ST3GAL3: variants seen among roughly 807,000 people sequenced by gnomAD.
ST3GAL3 encodes ST3 beta-galactoside alpha-2,3-sialyltransferase 3.
A neutral mutation model predicts 50.1 loss-of-function variants in ST3GAL3; 21 were observed. The ratio of observed to expected loss-of-function variants is 0.42; its 90% confidence interval spans 0.30 to 0.60. ST3GAL3 has a LOEUF of 0.60. Ranked by LOEUF, ST3GAL3 falls within the 20% of genes least tolerant of loss-of-function variation. The pLI is 0.19. For missense variants in ST3GAL3, 353 were observed against 489.4 expected, an observed-to-expected ratio of 0.72 and a Z score of 2.63; for synonymous variants, 183 against 190.0, an observed-to-expected ratio of 0.96 and a Z score of 0.30.
At chr1:43,838,340 T>A (rs1196437750) in intron 5 of ST3GAL3, 29 bp downstream of exon 5, 1 of 1,595,318 alleles carries the variant, frequency 6.3e-7, no homozygotes, top group South Asian at 1.1e-5. Flanking sequence ...CTCCACTGCC[T>A]AGACAGCCTG....
chr1:43,733,505 A>G (rs1351137234), intron 1 of ST3GAL3, among the ~76,000 whole-genome samples: 1 of 152,192 alleles, frequency 6.6e-6, no homozygotes, highest in Non-Finnish European at 1.5e-5. Context: ...ATGTGTGCGT[A>G]TATGTATCTC....
intron 11 of ST3GAL3, chr1:43,921,753 C>T (rs1316378834): frequency 5.0e-6 from 2 of 398,774 alleles, no homozygotes; most frequent in African/African-American, 4.1e-5. Flanking sequence ...AAAAGCTCCT[C>T]CCTCTTCCAG....
chr1:43,746,781 T>C (rs1381297630), intron 2 of ST3GAL3, among the ~76,000 whole-genome samples: 1 of 144,870 alleles, frequency 6.9e-6, no homozygotes, highest in African/African-American at 2.6e-5. Context: ...TTTTTTTTTT[T>C]GAGACAAGTC....
intron 2 of ST3GAL3, among the ~76,000 whole-genome samples, chr1:43,759,261 T>C (rs1288399529): frequency 6.6e-6 from 1 of 150,514 alleles, no homozygotes; most frequent in Non-Finnish European, 1.5e-5. Flanking sequence ...CTGGCCAACA[T>C]GGTGAAACTC....
chr1:43,902,590 C>T (rs938761641), intron 9 of ST3GAL3, among the ~76,000 whole-genome samples: 4 of 152,190 alleles, frequency 2.6e-5, no homozygotes, highest in East Asian at 3.9e-4. Context: ...GGCTTTGTCT[C>T]CCAGATCCCA....
intron 5 of ST3GAL3, among the ~76,000 whole-genome samples, chr1:43,860,877 G>A (rs1183710119): frequency 1.3e-5 from 2 of 152,224 alleles, no homozygotes; most frequent in African/African-American, 2.4e-5. Context: ...GGTAGGTTCA[G>A]GAAGTAGAAA....
chr1:43,851,169 G>A (rs1340718794), intron 5 of ST3GAL3: 24 of 1,368,656 alleles, frequency 1.8e-5, no homozygotes, highest in Non-Finnish European at 2.3e-5. Context: ...TGGAAGAGGC[G>A]GGTGTTCTCC....
intron 9 of ST3GAL3, among the ~76,000 whole-genome samples, chr1:43,908,259 G>A (rs2080156296): frequency 6.6e-6 from 1 of 152,136 alleles, no homozygotes. Context: ...CCTGCCTCCA[G>A]TCAGGTCTCT....
chr1:43,791,368 G>A (rs1016102554), intron 2 of ST3GAL3, among the ~76,000 whole-genome samples: 3 of 152,184 alleles, frequency 2.0e-5, no homozygotes, highest in African/African-American at 7.2e-5. Flanking sequence ...CTCAGTCATA[G>A]TATAGTATCT....
chr1:43,923,263 CAA>C (rs35151641), intron 11 of ST3GAL3, among the ~76,000 whole-genome samples: 1,967 of 120,234 alleles, frequency 0.016, 36 homozygotes, highest in African/African-American at 0.049. Flanking sequence ...GACCCTGTCT[CAA>C]AAAAAAAAAA....
chr1:43,923,806 G>A (rs1183866705), intron 11 of ST3GAL3, among the ~76,000 whole-genome samples: 1 of 152,036 alleles, frequency 6.6e-6, no homozygotes, highest in East Asian at 1.9e-4. Context: ...GTAGGGATGA[G>A]ATTTTGCTAT....
At chr1:43,910,878 A>G (rs145354861) in intron 9 of ST3GAL3, among the ~76,000 whole-genome samples, 44 of 152,330 alleles carry the variant, frequency 2.9e-4, no homozygotes, top group African/African-American at 9.4e-4. Flanking sequence ...TCTGGCCACA[A>G]CCTTTGCCGT....
intron 4 of ST3GAL3, among the ~76,000 whole-genome samples, chr1:43,832,401 AT>A (rs758969210): frequency 1.1e-4 from 16 of 152,222 alleles, no homozygotes; most frequent in Admixed American, 3.3e-4. Flanking sequence ...GATAGAAGAC[AT>A]TTGACAGTGC....
chr1:43,877,673 T>C (rs2074365410), intron 5 of ST3GAL3, among the ~76,000 whole-genome samples: 1 of 152,138 alleles, frequency 6.6e-6, no homozygotes, highest in South Asian at 2.1e-4. Flanking sequence ...CAGTTAGAAA[T>C]ATGTGTCTGG....
intron 5 of ST3GAL3, among the ~76,000 whole-genome samples, chr1:43,887,289 TG>T (rs2076122294): frequency 6.6e-6 from 1 of 152,210 alleles, no homozygotes; most frequent in African/African-American, 2.4e-5. Context: ...GATAAATCTC[TG>T]GTTGGATTTT....
At chr1:43,803,957 A>G (rs1264480107) in intron 3 of ST3GAL3, among the ~76,000 whole-genome samples, 2 of 152,240 alleles carry the variant, frequency 1.3e-5, no homozygotes, top group Non-Finnish European at 2.9e-5. Context: ...AGCCTAAGCC[A>G]TCAGACTAAA....
intron 3 of ST3GAL3, among the ~76,000 whole-genome samples, chr1:43,798,867 G>A (rs890531712): frequency 1.2e-4 from 18 of 152,146 alleles, no homozygotes; most frequent in Non-Finnish European, 2.9e-5. Flanking sequence ...GTGCTAAGTA[G>A]GTGTTAAATA....
intron 6 of ST3GAL3, chr1:43,896,751 C>T (rs1216206269): frequency 6.6e-6 from 1 of 152,102 alleles, no homozygotes; most frequent in Admixed American, 6.6e-5. Context: ...AACCATGTTG[C>T]CCAAGCTGGT....
Position 43,851,553 on chromosome 1 carries a change from A to G in ST3GAL3, c.302+13242A>G, listed in dbSNP as rs1368292466. On this transcript the variant is annotated intron_variant, in intron 5 of 11. Transcript: ENST00000347631. The stretch of plus-strand genomic sequence containing the variant: ...ATTTAAGCAAGAGCCTAGGGCCTCC[A>G]AAACTGCCCAGCTGGCGAAATTCTC... The G allele has an allele frequency of 3.8e-6, 6 of 1,580,358 alleles. No individual in the cohort carries two copies. In the African/African-American group the frequency reaches 6.7e-5, roughly 18 times the overall value.
Sources: gnomAD v4.1 joint callset for allele counts (sites outside exome capture counted in the v4.1 genomes callset) on GRCh38, gnomAD v4.1.1 for gene constraint, MANE v1.5 for transcripts, NCBI Gene and HGNC (gene_info 2026-07-23, HGNC 2026-07-21) for gene names.